The following WNT3A variants were observed in gnomAD, a reference collection of about 807,000 sequenced individuals.
The protein encoded by WNT3A is protein Wnt-3a.
Under a neutral mutation model 37.0 loss-of-function variants are expected in WNT3A, and 17 were observed. That is an observed-to-expected ratio of 0.46 (90% CI 0.31 to 0.69). WNT3A has a LOEUF of 0.69. WNT3A is among the 30% of genes least tolerant of loss of function. The pLI, the probability that WNT3A is intolerant of heterozygous loss-of-function variation, is 0.05. For missense variants in WNT3A, 411 were observed against 510.2 expected (o/e 0.81, Z 1.87); for synonymous variants, 187 against 211.0 (o/e 0.89, Z 0.99).
intron 3 of WNT3A, among the ~76,000 whole-genome samples, chr1:228,055,219 T>TATATATATATATACAC (rs1422386068): frequency 2.0e-5 from 2 of 98,488 alleles, no homozygotes; most frequent in African/African-American, 9.3e-5. Context: ...TATATATATA[T>TATATATATATATACAC]ACACACACAC....
chr1:228,060,284 C>T lies in WNT3A; in HGVS notation c.*819C>T, dbSNP rs1230671517. ...TGTAAGGTTCCATCCACCCCTGCGT[C>T]GAGCTGGGAAGGTTCCATGAAGCGA... On this transcript the variant is annotated 3_prime_UTR_variant, in exon 4 of 4. Coordinates refer to ENST00000284523, the MANE Select transcript of WNT3A (RefSeq NM_033131.4). 7.4e-7 allele frequency: 1 copy of T among 1,351,498 alleles called. No individual in the cohort carries two copies. The allele number at this position is 1,351,498 out of a possible 1,614,324, so 83.7% of individuals were successfully genotyped here.
intron 1 of WNT3A, among the ~76,000 whole-genome samples, chr1:228,021,207 G>A (rs1298605832): frequency 6.6e-6 from 1 of 152,202 alleles, no homozygotes; most frequent in Non-Finnish European, 1.5e-5. Context: ...TCCCATTCAG[G>A]GTAGCCACGG....
At chr1:228,019,510 A>G (rs1224255878) in intron 1 of WNT3A, among the ~76,000 whole-genome samples, 1 of 152,220 alleles carries the variant, frequency 6.6e-6, no homozygotes, top group East Asian at 1.9e-4. Context: ...CCCTGGCTGT[A>G]AGCTAGGCTG....
At chr1:228,033,100 C>A (rs1383596278) in intron 2 of WNT3A, among the ~76,000 whole-genome samples, 1 of 152,158 alleles carries the variant, frequency 6.6e-6, no homozygotes, top group Admixed American at 6.5e-5. Context: ...ACATGACTTG[C>A]AAATATTTTC....
chr1:228,012,898 G>A (rs1233962022), intron 1 of WNT3A, among the ~76,000 whole-genome samples: 1 of 152,162 alleles, frequency 6.6e-6, no homozygotes, highest in Non-Finnish European at 1.5e-5. Context: ...CAGCCCCACA[G>A]ACAGGGTCTC....
In WNT3A at chr1:228,059,664, T is replaced by C; in HGVS notation, c.*199T>C. 2.2e-6 allele frequency: 3 copies of C among 1,362,178 alleles called. No homozygotes were observed. The highest frequency in any genetic ancestry group is 2.8e-6 in the Non-Finnish European group (3 of 1,065,448). 84.4% of individuals were successfully genotyped at this position (1,362,178 alleles called of 1,614,324 possible). On this transcript the variant is annotated 3_prime_UTR_variant, in exon 4 of 4. Coordinates refer to ENST00000284523, the MANE Select transcript of WNT3A (RefSeq NM_033131.4). ...CTCCCTGGAGCTAGTGTCTCCTCTC[T>C]GGTGGCTGGGCTGCTCCTGAATGAG...
rs1033261111 is a variant in WNT3A at position 228,007,796 on chromosome 1, C to T, written c.71+597C>T. Among the ~76,000 whole-genome samples, 2 of 152,002 alleles carry T rather than the reference C, an allele frequency of 1.3e-5. No individual in the cohort carries two copies. The highest frequency in any genetic ancestry group is 1.3e-4 in the Admixed American group (2 of 15,282). ...GCGCCTCCCCGCCGCAGTCCGGGCACGGGGGTTTCCAGGGGCCCTCTCTGC... is the reference window on the plus strand; with the variant it reads ...GCGCCTCCCCGCCGCAGTCCGGGCATGGGGGTTTCCAGGGGCCCTCTCTGC... On this transcript the variant is annotated intron_variant, in intron 1 of 3. Coordinates refer to ENST00000284523, the MANE Select transcript of WNT3A (RefSeq NM_033131.4). The surrounding 1 kb of genome is among the most constrained non-coding windows in gnomAD (Gnocchi z 6.0).
chr1:228,050,064 C>T lies in WNT3A; in HGVS notation c.314-592C>T, dbSNP rs1462267594. ...AAAGGGCTGGGATTACAGATGTAAGCCACCTTGCCAGCTGTATGTTTTTTA... is the reference window on the plus strand; with the variant it reads ...AAAGGGCTGGGATTACAGATGTAAGTCACCTTGCCAGCTGTATGTTTTTTA... On this transcript the variant is annotated intron_variant, in intron 2 of 3. Transcript: ENST00000284523. This position sits in a 1 kb window ranked among gnomAD's most constrained non-coding sequence, Gnocchi z 5.0. 1.3e-5 allele frequency among the ~76,000 whole-genome samples: 2 copies of T among 152,076 alleles called. No homozygotes were observed. The highest frequency in any genetic ancestry group is 2.1e-4 in the South Asian group (1 of 4,806).
At chr1:228,043,440 C>G (rs1039244089) in intron 2 of WNT3A, among the ~76,000 whole-genome samples, 4 of 152,202 alleles carry the variant, frequency 2.6e-5, no homozygotes, top group African/African-American at 9.6e-5. Flanking sequence ...TCCGACAGTC[C>G]ACTCTAATGA....
chr1:228,059,191 A>T lies in WNT3A; in HGVS notation c.785A>T (p.Tyr262Phe). Residue 262 changes from tyrosine (Y) to phenylalanine (F), a missense_variant, in exon 4 of 4, where the codon TAC (tyrosine) becomes TTC (phenylalanine). Transcript: ENST00000284523. Reference protein sequence around the residue: ...WVETLRPRYTYFKVPTERDLV... With the variant: ...WVETLRPRYTFFKVPTERDLV... Reference sequence around the variant, plus strand: ...GAGACCCTGCGGCCGCGCTACACCTACTTCAAGGTGCCCACGGAGCGCGAC... The same window carrying T: ...GAGACCCTGCGGCCGCGCTACACCTTCTTCAAGGTGCCCACGGAGCGCGAC... 1 of 1,612,610 alleles carries T rather than the reference A, an allele frequency of 6.2e-7. No individual in the cohort carries two copies. Among genetic ancestry groups the T allele is most frequent in the African/African-American group, 1.3e-5 (1 of 75,032 alleles).
At chr1:228,057,761 A>T (rs2031708846) in intron 3 of WNT3A, among the ~76,000 whole-genome samples, 1 of 152,216 alleles carries the variant, frequency 6.6e-6, no homozygotes, top group Non-Finnish European at 1.5e-5. Flanking sequence ...CCCACAAATG[A>T]CACAAAGATC....
At chr1:228,021,885 T>C (rs749509473) in intron 1 of WNT3A, among the ~76,000 whole-genome samples, 11 of 152,190 alleles carry the variant, frequency 7.2e-5, no homozygotes, top group African/African-American at 1.2e-4. Flanking sequence ...GAGTCCCCCA[T>C]TGGGCTCCAG....
At chr1:228,049,369 T>C (rs1244168777) in intron 2 of WNT3A, among the ~76,000 whole-genome samples, 1 of 152,258 alleles carries the variant, frequency 6.6e-6, no homozygotes, top group African/African-American at 2.4e-5. Flanking sequence ...TGAGATCCTT[T>C]GTGCTATTTT....
Position 228,039,234 on chromosome 1 carries a change from G to A in WNT3A, c.314-11422G>A, listed in dbSNP as rs1034793. On this transcript the variant is annotated intron_variant, in intron 2 of 3. Coordinates refer to ENST00000284523, the MANE Select transcript of WNT3A (RefSeq NM_033131.4). This position sits in a 1 kb window ranked among gnomAD's most constrained non-coding sequence, Gnocchi z 4.1. Reference sequence around the variant, plus strand: ...ATCAAGAAGCAGACTGGGCAAAGGCGGCATCCCAAGCTCCTAGGAAAGGAG... The same window carrying A: ...ATCAAGAAGCAGACTGGGCAAAGGCAGCATCCCAAGCTCCTAGGAAAGGAG... 5.9e-3 allele frequency among the ~76,000 whole-genome samples: 905 copies of A among 152,252 alleles called. 8 individuals are homozygous for A. Among genetic ancestry groups the A allele is most frequent in the African/African-American group, 0.021 (868 of 41,538 alleles).
rs1254741044 is a variant in WNT3A, at chr1:228,007,842, C to T, written c.71+643C>T. ...TCTGCGAGCCCTCCGCATGGGTCCA[C>T]CTGGCAATGAGGGGCTGCTGTAGAG... On this transcript the variant is annotated intron_variant, in intron 1 of 3. Coordinates refer to ENST00000284523, the MANE Select transcript of WNT3A (RefSeq NM_033131.4). The surrounding 1 kb of genome is among the most constrained non-coding windows in gnomAD (Gnocchi z 6.0). 2.6e-5 allele frequency among the ~76,000 whole-genome samples: 4 copies of T among 152,084 alleles called. No homozygotes were observed. The East Asian group carries it at 7.8e-4, about 30-fold the overall frequency.
rs2031208335 is a variant in WNT3A at position 228,038,922 on chromosome 1, G to A, written c.314-11734G>A. ...TGGCTGCAGTAGGGTGCACTTGGGG[G>A]ACAGAGGGCATTTTTTTGTCACAGT... On this transcript the variant is annotated intron_variant, in intron 2 of 3. Coordinates refer to ENST00000284523, the MANE Select transcript of WNT3A (RefSeq NM_033131.4). This position sits in a 1 kb window ranked among gnomAD's most constrained non-coding sequence, Gnocchi z 5.7. Among the ~76,000 whole-genome samples, 1 of 152,168 alleles carries A rather than the reference G, an allele frequency of 6.6e-6. No homozygotes were observed. The highest frequency in any genetic ancestry group is 1.5e-5 in the Non-Finnish European group (1 of 68,020).
At chr1:228,051,345 G>A (rs1340588573) in intron 3 of WNT3A, among the ~76,000 whole-genome samples, 1 of 151,968 alleles carries the variant, frequency 6.6e-6, no homozygotes, top group Non-Finnish European at 1.5e-5. Context: ...GCCTGGAGGT[G>A]AAAGACAACA....
chr1:228,008,555 G>A lies in WNT3A; in HGVS notation c.71+1356G>A, dbSNP rs2030273100. Among the ~76,000 whole-genome samples the A allele has an allele frequency of 6.6e-6, 1 of 152,114 alleles. No homozygotes were observed. Among genetic ancestry groups the A allele is most frequent in the Admixed American group, 6.5e-5 (1 of 15,292 alleles). ...CCTATTTCCGCGTGCCCCATTTCCC[G>A]TGCGGCACCTGCTGCGCCCAGTGGC... On this transcript the variant is annotated intron_variant, in intron 1 of 3. Transcript: ENST00000284523. The surrounding 1 kb of genome is among the most constrained non-coding windows in gnomAD (Gnocchi z 4.9).
chr1:228,051,000 A>G lies in WNT3A; in HGVS notation c.579+79A>G. The G allele has an allele frequency of 2.1e-6, 3 of 1,439,586 alleles. No individual in the cohort carries two copies. Among genetic ancestry groups the G allele is most frequent in the Non-Finnish European group, 2.7e-6 (3 of 1,097,318 alleles). The allele number at this position is 1,439,586 out of a possible 1,614,324, so 89.2% of individuals were successfully genotyped here. On this transcript the variant is annotated intron_variant, in intron 3 of 3. Transcript: ENST00000284523. This position sits in a 1 kb window ranked among gnomAD's most constrained non-coding sequence, Gnocchi z 5.0. Reference sequence around the variant, plus strand: ...TGTGTGCCCTGGTTCCTTGGGGCATATGGCCCGGTGAGGCAGGATGGTGGC... The same window carrying G: ...TGTGTGCCCTGGTTCCTTGGGGCATGTGGCCCGGTGAGGCAGGATGGTGGC...
Sources: allele counts gnomAD v4.1 joint callset (sites outside exome capture counted in the v4.1 genomes callset), GRCh38; gene constraint gnomAD v4.1.1; non-coding constraint Gnocchi (gnomAD v3.1); transcripts MANE v1.5; gene names NCBI Gene and HGNC (gene_info 2026-07-23, HGNC 2026-07-21).